The following SALL3 variants were observed in gnomAD, a reference collection of about 807,000 sequenced individuals.
The protein encoded by SALL3 is spalt like transcription factor 3.
In SALL3, 25 loss-of-function variants were observed where a neutral mutation model predicts 66.2. That is an observed-to-expected ratio of 0.38 (90% confidence interval 0.28 to 0.53). The LOEUF is 0.53. SALL3 is among the 20% of genes least tolerant of loss of function. The pLI, the probability that SALL3 is intolerant of heterozygous loss-of-function variation, is 0.85. For missense variants in SALL3, 2,194 were observed against 1,916.5 expected (o/e 1.14, Z -2.70); for synonymous variants, 1,152 against 899.1 (o/e 1.28, Z -5.03).
rs1225904955 is a variant in SALL3 at position 78,993,865 on chromosome 18, A to C, written c.1874A>C (p.Asp625Ala). 1 of 1,563,840 alleles carries C rather than the reference A, an allele frequency of 6.4e-7. No individual in the cohort carries two copies. Among genetic ancestry groups the C allele is most frequent in the African/African-American group, 1.4e-5 (1 of 73,344 alleles). Residue 625 changes from aspartate to alanine, a missense_variant, in exon 2 of 3, where the codon GAC (aspartate) becomes GCC (alanine). Asp to Ala is a moderately radical substitution (Grantham distance 126). Transcript: ENST00000537592. ...AQASAAPTSVDGAPTSLGSPG... is the reference protein window; with the variant it reads ...AQASAAPTSVAGAPTSLGSPG... ...GCTAGCGCTGCACCCACATCGGTGG[A>C]CGGCGCACCCACGAGCCTCGGCAGC... is the stretch of plus-strand genomic sequence containing the variant.
intron 1 of SALL3, among the ~76,000 whole-genome samples, chr18:78,991,477 C>G (rs770394814): frequency 6.6e-6 from 1 of 151,776 alleles, no homozygotes; most frequent in African/African-American, 2.4e-5. Context: ...GTTACATTCA[C>G]AAATGAGAGC....
chr18:78,992,390 C>T lies in SALL3; in HGVS notation c.399C>T (p.Pro133=). Residue 133 remains proline, a synonymous_variant, in exon 2 of 3, where the codon CCC becomes CCT. Coordinates refer to ENST00000537592, the MANE Select transcript of SALL3 (RefSeq NM_171999.4). ...GGCCGGTGGAGAAGGAGGCCGAGCC[C>T]ATGGACGCGGAACCCGCGGGGGACA... The part of the protein sequence containing the change: ...EARPVEKEAE[P]MDAEPAGDTR... 7.5e-7 allele frequency: 1 copy of T among 1,326,574 alleles called. No individual in the cohort carries two copies. The highest frequency in any genetic ancestry group is 9.6e-7 in the Non-Finnish European group (1 of 1,044,688). The allele number at this position is 1,326,574 out of a possible 1,614,324, so 82.2% of individuals were successfully genotyped here.
At position 78,994,427 on chromosome 18, in the gene SALL3, G is replaced by T. The variant is rs763763111; in HGVS notation, c.2436G>T (p.Lys812Asn). The T allele has an allele frequency of 6.2e-7, 1 of 1,612,582 alleles. No homozygotes were observed. The highest frequency in any genetic ancestry group is 8.5e-7 in the Non-Finnish European group (1 of 1,179,934). ...ENSMEDDAELKDAATDPAKPL... is the reference protein window; with the variant it reads ...ENSMEDDAELNDAATDPAKPL... ...CCATGGAGGACGACGCTGAGCTGAA[G>T]GACGCGGCCACCGACCCGGCCAAGC... Residue 812 changes from lysine (K) to asparagine (N), a missense_variant, in exon 2 of 3, where the codon AAG (lysine) becomes AAT (asparagine). Lys to Asn is a moderately conservative substitution (Grantham distance 94). Coordinates refer to ENST00000537592, the MANE Select transcript of SALL3 (RefSeq NM_171999.4).
At chr18:78,980,410 T>TGGGGAAGCGCGTGCGGCGGGA (rs1345765385) in intron 1 of SALL3, 54 bp downstream of exon 1, 2 of 1,139,554 alleles carry the variant, frequency 1.8e-6, no homozygotes, top group Admixed American at 4.2e-5. Flanking sequence ...CCGTCCGGGC[T>TGGGGAAGCGCGTGCGGCGGGA]GGGGAAGCGC....
At position 78,994,376 on chromosome 18, in the gene SALL3, C is replaced by T. The variant is rs1599181666; in HGVS notation, c.2385C>T (p.Ser795=). 1 of 1,613,420 alleles carries T rather than the reference C, an allele frequency of 6.2e-7. No individual in the cohort carries two copies. Among genetic ancestry groups the T allele is most frequent in the Non-Finnish European group, 8.5e-7 (1 of 1,180,006 alleles). Residue 795 remains serine (S), a synonymous_variant, in exon 2 of 3, where the codon AGC becomes AGT. Transcript: ENST00000537592. ...ACAAGAACGCGGAGACCCTGAGCAGCTACGATGACGACATGGACGAGAACT... is the reference window on the plus strand; with the variant it reads ...ACAAGAACGCGGAGACCCTGAGCAGTTACGATGACGACATGGACGAGAACT... The part of the protein sequence containing the change: ...YDDKNAETLS[S]YDDDMDENSM...
chr18:78,994,738 G>C lies in SALL3; in HGVS notation c.2747G>C (p.Arg916Pro), dbSNP rs1453842783. 1.1e-5 allele frequency: 17 copies of C among 1,602,776 alleles called. No homozygotes were observed. The South Asian group carries it at 1.9e-4, about 18-fold the overall frequency. Residue 916 changes from arginine (R) to proline (P), a missense_variant, in exon 2 of 3, where the codon CGC (arginine) becomes CCC (proline). Physicochemically the swap from Arg to Pro is moderately radical, Grantham distance 103. Coordinates refer to ENST00000537592, the MANE Select transcript of SALL3 (RefSeq NM_171999.4). ...SPAPSNGESFRSKSPGLGAPE... is the reference protein window; with the variant it reads ...SPAPSNGESFPSKSPGLGAPE... ...GCCCCCAGCAATGGTGAGAGCTTCC[G>C]CTCCAAGTCCCCGGGCCTGGGCGCC... is the stretch of plus-strand genomic sequence containing the variant.
intron 1 of SALL3, among the ~76,000 whole-genome samples, chr18:78,986,095 G>A (rs541377540): frequency 6.6e-6 from 1 of 152,204 alleles, no homozygotes; most frequent in Non-Finnish European, 1.5e-5. Flanking sequence ...TGTAACAAAC[G>A]TCTTATTATT....
chr18:78,996,936 G>A lies in SALL3; in HGVS notation c.3517G>A (p.Gly1173Ser), dbSNP rs370303588. The change falls in exon 3 of 3, where the codon GGC (glycine) becomes AGC (serine). Residue 1173 changes from glycine to serine, a missense_variant. Coordinates refer to ENST00000537592, the MANE Select transcript of SALL3 (RefSeq NM_171999.4). ...GTGGAATAACGCCCCCGCGAGACGC[G>A]GCCGCCGCCTGTCTGTGGAGAACCC... ...HMWNNAPARR[G>S]RRLSVENPMA... is the part of the protein sequence containing the mutation. 1.7e-5 allele frequency: 27 copies of A among 1,612,754 alleles called. No homozygotes were observed. Among genetic ancestry groups the A allele is most frequent in the South Asian group, 5.5e-5 (5 of 91,076 alleles).
Position 78,993,836 on chromosome 18 carries a change from G to T in SALL3, c.1845G>T (p.Ala615=), listed in dbSNP as rs774733461. Residue 615 remains alanine, a synonymous_variant, in exon 2 of 3, where the codon GCG becomes GCT. Transcript: ENST00000537592. ...NARAGDAPVG[A]QASAAPTSVD... is the part of the protein sequence containing the mutation. Reference sequence around the variant, plus strand: ...GGGCCGGGGACGCTCCCGTGGGCGCGCAGGCTAGCGCTGCACCCACATCGG... The same window carrying T: ...GGGCCGGGGACGCTCCCGTGGGCGCTCAGGCTAGCGCTGCACCCACATCGG... 2 of 1,549,654 alleles carry T rather than the reference G, an allele frequency of 1.3e-6. No individual in the cohort carries two copies. The highest frequency in any genetic ancestry group is 1.7e-6 in the Non-Finnish European group (2 of 1,149,760).
rs1914626835 is a variant in SALL3, at chr18:78,994,839, GC to G, written c.2852del (p.Pro951LeufsTer17). ...SPAAAPGSGG[A>X]PGRAGIKEEA... ...AGCCGCCGCCCCGGGCAGCGGAGGC[GC>G]CCCTGGCCGCGCGGGCATCAAGGAG... On this transcript the variant is annotated frameshift_variant, in exon 2 of 3. Coordinates refer to ENST00000537592, the MANE Select transcript of SALL3 (RefSeq NM_171999.4). LOFTEE classifies it high-confidence loss of function. The G allele has an allele frequency of 6.3e-7, 1 of 1,597,078 alleles. No individual in the cohort carries two copies. Among genetic ancestry groups the G allele is most frequent in the African/African-American group, 1.3e-5 (1 of 74,576 alleles).
rs1255487717 is a variant in SALL3 at position 78,997,063 on chromosome 18, A to G, written c.3644A>G (p.Tyr1215Cys). ...GTCGACCCCAGTTTTTGGAACCAGTATGCTGCAGCCATCACTAACGGGCTC... is the reference window on the plus strand; with the variant it reads ...GTCGACCCCAGTTTTTGGAACCAGTGTGCTGCAGCCATCACTAACGGGCTC... ...MNVDPSFWNQ[Y>C]AAAITNGLAM... The change falls in exon 3 of 3, where the codon TAT becomes TGT. Residue 1215 changes from tyrosine (Y) to cysteine (C), a missense_variant. Physicochemically the swap from Tyr to Cys is radical, Grantham distance 194 (BLOSUM62 -2). Transcript: ENST00000537592. The G allele has an allele frequency of 1.2e-6, 2 of 1,614,048 alleles. No individual in the cohort carries two copies. The highest frequency in any genetic ancestry group is 1.7e-6 in the Non-Finnish European group (2 of 1,180,056).
In SALL3 at chr18:78,980,337, T is replaced by C; in HGVS notation, c.63T>C (p.Pro21=). 6.9e-7 allele frequency: 1 copy of C among 1,439,854 alleles called. No individual in the cohort carries two copies. The highest frequency in any genetic ancestry group is 9.2e-7 in the Non-Finnish European group (1 of 1,090,852). The allele number at this position is 1,439,854 out of a possible 1,614,324, so 89.2% of individuals were successfully genotyped here. A position where few individuals can be genotyped will look rare whatever the true frequency, so the allele number is the denominator to read the frequency against. The change falls in exon 1 of 3, where the codon CCT becomes CCC. Residue 21 remains proline (P), a synonymous_variant. Transcript: ENST00000537592. The part of the protein sequence containing the change: ...HLKSDEELLP[P]DGAPEHAAPG... The stretch of plus-strand genomic sequence containing the variant: ...AGTCGGACGAGGAGCTGCTGCCGCC[T>C]GACGGGGCTCCCGAGCACGGTGAGG...
intron 1 of SALL3, among the ~76,000 whole-genome samples, chr18:78,990,975 G>A (rs185880187): frequency 6.8e-4 from 104 of 152,192 alleles, no homozygotes; most frequent in African/African-American, 2.3e-3. Flanking sequence ...GTTGTTACTC[G>A]GCACAAGAGG....
At chr18:78,996,742 T>C in intron 2 of SALL3, 149 bp from the exon 3 acceptor site, 1 of 686,074 alleles carries the variant, frequency 1.5e-6, no homozygotes, top group Non-Finnish European at 2.5e-6. Context: ...TGTAGAAATA[T>C]AAAGTGCCCA....
intron 2 of SALL3, among the ~76,000 whole-genome samples, chr18:78,995,736 G>A (rs1262507225): frequency 1.3e-5 from 2 of 152,090 alleles, no homozygotes; most frequent in African/African-American, 2.4e-5. Context: ...CCCTATGTGT[G>A]GGTGTATGTA....
At position 78,993,116 on chromosome 18, in the gene SALL3, C is replaced by A; in HGVS notation, c.1125C>A (p.Asn375Lys). The change falls in exon 2 of 3, where the codon AAC becomes AAA. Residue 375 changes from asparagine to lysine, a missense_variant. Physicochemically the swap from Asn to Lys is moderately conservative, Grantham distance 94. Transcript: ENST00000537592. ...QTSASGVIFP[N>K]PLVSIAATAN... ...CCGCCAGCGGCGTCATCTTCCCCAA[C>A]CCGCTGGTCAGCATCGCGGCCACGG... 6.2e-7 allele frequency: 1 copy of A among 1,604,642 alleles called. No homozygotes were observed. The highest frequency in any genetic ancestry group is 8.5e-7 in the Non-Finnish European group (1 of 1,177,686).
At position 78,992,932 on chromosome 18, in the gene SALL3, CCAG is replaced by C. The variant is rs1349118624; in HGVS notation, c.943_945del (p.Ser315del). ...GCGGAGCCCAGCGCGCCCGCCGCCC[CCAG>C]CGCCGCCCCTGCCCCCGCTGCCCCC... On this transcript the variant is annotated inframe_deletion, in exon 2 of 3. Coordinates refer to ENST00000537592, the MANE Select transcript of SALL3 (RefSeq NM_171999.4). 20 of 1,026,158 alleles carry C rather than the reference CCAG, an allele frequency of 1.9e-5. No individual in the cohort carries two copies. In the African/African-American group the frequency reaches 3.0e-4, roughly 15 times the overall value. 63.6% of individuals were successfully genotyped at this position (1,026,158 alleles called of 1,614,324 possible).
chr18:78,986,213 A>G (rs1361206669), intron 1 of SALL3, among the ~76,000 whole-genome samples: 3 of 152,222 alleles, frequency 2.0e-5, no homozygotes, highest in Non-Finnish European at 4.4e-5. Context: ...GCTTCACTGC[A>G]CAGGTTAAAA....
rs557725030 is a variant in SALL3, at chr18:78,993,906, G to A, written c.1915G>A (p.Val639Ile). The change falls in exon 2 of 3, where the codon GTC becomes ATC. Residue 639 changes from valine (V) to isoleucine (I), a missense_variant. Val to Ile is a conservative substitution (Grantham distance 29, BLOSUM62 3). Coordinates refer to ENST00000537592, the MANE Select transcript of SALL3 (RefSeq NM_171999.4). Reference protein sequence around the residue: ...TSLGSPGLPAVSEQFKAQFPF... With the variant: ...TSLGSPGLPAISEQFKAQFPF... The stretch of plus-strand genomic sequence containing the variant: ...CCTCGGCAGCCCCGGGCTGCCCGCC[G>A]TCTCCGAGCAGTTCAAGGCCCAGTT... The A allele has an allele frequency of 6.9e-6, 11 of 1,595,940 alleles. No individual in the cohort carries two copies. Among genetic ancestry groups the A allele is most frequent in the South Asian group, 6.8e-5 (6 of 88,878 alleles).
Sources: allele counts gnomAD v4.1 joint callset (sites outside exome capture counted in the v4.1 genomes callset), GRCh38; gene constraint gnomAD v4.1.1; transcripts MANE v1.5; gene names NCBI Gene and HGNC (gene_info 2026-07-23, HGNC 2026-07-21).